The following LUC7L variants were observed in gnomAD, a reference collection of about 807,000 sequenced individuals.
LUC7L encodes putative RNA-binding protein Luc7-like 1.
In LUC7L, 29 loss-of-function variants were observed where a neutral mutation model predicts 51.1. The ratio of observed to expected loss-of-function variants is 0.57; its 90% CI spans 0.42 to 0.77. The LOEUF is 0.77. Among genes scored for constraint, LUC7L ranks in the 30% least tolerant of loss-of-function variants. The pLI is 0.00. For missense variants in LUC7L, 403 were observed against 511.9 expected, an observed-to-expected ratio of 0.79 and a Z score of 2.05; for synonymous variants, 181 against 180.7, an observed-to-expected ratio of 1.00 and a Z score of -0.01.
chr16:217,940 G>A (rs1159130319), intron 3 of LUC7L, among the ~76,000 whole-genome samples: 1 of 150,922 alleles, frequency 6.6e-6, no homozygotes, highest in African/African-American at 2.4e-5. Flanking sequence ...TTGGGAGGCT[G>A]AGGCATGAGA....
At chr16:205,621 G>C (rs562008910) in intron 5 of LUC7L, among the ~76,000 whole-genome samples, 11 of 151,976 alleles carry the variant, frequency 7.2e-5, no homozygotes, top group Non-Finnish European at 1.6e-4. Context: ...ACAGAGTCTC[G>C]CTCTGTCGCC....
chr16:190,827 C>G, intron 7 of LUC7L: 1 of 475,008 alleles, frequency 2.1e-6, no homozygotes, highest in Non-Finnish European at 3.7e-6. Flanking sequence ...TTGCAGTGAG[C>G]TGAGATTGTG....
At chr16:227,213 T>C in intron 2 of LUC7L, 29 bp downstream of exon 2, 2 of 1,580,264 alleles carry the variant, frequency 1.3e-6, no homozygotes, top group Non-Finnish European at 1.7e-6. Flanking sequence ...TGTCAGAGTG[T>C]TCCATGAGGT....
chr16:221,910 G>A (rs1330344979), intron 2 of LUC7L, among the ~76,000 whole-genome samples: 1 of 152,098 alleles, frequency 6.6e-6, no homozygotes, highest in Non-Finnish European at 1.5e-5. Flanking sequence ...TGTATCAAAG[G>A]GAATAAAGGA....
At chr16:218,358 C>T (rs1375122807) in intron 3 of LUC7L, among the ~76,000 whole-genome samples, 1 of 152,182 alleles carries the variant, frequency 6.6e-6, no homozygotes, top group Admixed American at 6.5e-5. Flanking sequence ...AACCCCTCTA[C>T]TAACCTCTGG....
intron 3 of LUC7L, among the ~76,000 whole-genome samples, chr16:217,460 ACT>A: frequency 6.6e-6 from 1 of 152,038 alleles, no homozygotes; most frequent in South Asian, 2.1e-4. Flanking sequence ...TAATCTCAAC[ACT>A]CTGGGAGGCT....
chr16:192,381 T>TA (rs1224491391), intron 7 of LUC7L, among the ~76,000 whole-genome samples: 1 of 151,994 alleles, frequency 6.6e-6, no homozygotes, highest in Non-Finnish European at 1.5e-5. Flanking sequence ...ACTCAGTAAG[T>TA]AAACAGCAGT....
In LUC7L at chr16:192,972, A is replaced by G; in HGVS notation, c.731T>C (p.Leu244Ser). The change falls in exon 7 of 10, where the codon TTG (leucine) becomes TCG (serine). Residue 244 changes from leucine to serine, a missense_variant. Coordinates refer to ENST00000293872, the MANE Select transcript of LUC7L (RefSeq NM_201412.3). ...EKQEKRNQDRLRRREEREREE... is the reference protein window; with the variant it reads ...EKQEKRNQDRSRRREEREREE... ...CCGTTCCCTCTCCTCTCTCCTCCTC[A>G]AGCGATCCTGATTTCTCTTCTCCTG... 1 of 1,613,484 alleles carries G rather than the reference A, an allele frequency of 6.2e-7. No individual in the cohort carries two copies. The highest frequency in any genetic ancestry group is 1.1e-5 in the South Asian group (1 of 91,078).
intron 4 of LUC7L, among the ~76,000 whole-genome samples, chr16:207,155 C>T (rs562127729): frequency 1.8e-4 from 27 of 151,454 alleles, no homozygotes; most frequent in South Asian, 8.3e-4. Flanking sequence ...GTCGAGATCA[C>T]GCCACTGCCC....
intron 9 of LUC7L, chr16:189,750 G>A: frequency 3.6e-6 from 5 of 1,390,550 alleles, no homozygotes; most frequent in Non-Finnish European, 4.7e-6. Context: ...GACGCAGGCA[G>A]GGGACAGTGC....
At chr16:215,265 A>G (rs949224637) in intron 3 of LUC7L, among the ~76,000 whole-genome samples, 1 of 152,168 alleles carries the variant, frequency 6.6e-6, no homozygotes, top group African/African-American at 2.4e-5. Context: ...AGGCGGGCAG[A>G]TCACAAGGTC....
At position 220,732 on chromosome 16, in the gene LUC7L, C is replaced by G; in HGVS notation, c.172G>C (p.Glu58Gln). Residue 58 changes from glutamate to glutamine, a missense_variant, in exon 3 of 10, where the codon GAA becomes CAA. By Grantham distance (29) the Glu-to-Gln change is conservative. Coordinates refer to ENST00000293872, the MANE Select transcript of LUC7L (RefSeq NM_201412.3). ...GCCAAGTCGTGGATTTTGGTACATT[C>G]TCCTAAATCCATGCGCTGTGGGAAA... ...ILAGTRMDLG[E>Q]CTKIHDLALR... 6.2e-7 allele frequency: 1 copy of G among 1,613,512 alleles called. No homozygotes were observed. Among genetic ancestry groups the G allele is most frequent in the Non-Finnish European group, 8.5e-7 (1 of 1,179,492 alleles).
chr16:215,168 T>C (rs966209638), intron 3 of LUC7L, among the ~76,000 whole-genome samples: 1 of 152,040 alleles, frequency 6.6e-6, no homozygotes, highest in African/African-American at 2.4e-5. Context: ...TTCCCAACAG[T>C]GGAATTCTGG....
intron 4 of LUC7L, among the ~76,000 whole-genome samples, chr16:207,198 CTT>C (rs2049507200): frequency 6.7e-6 from 1 of 149,276 alleles, no homozygotes; most frequent in Admixed American, 6.7e-5. Flanking sequence ...GACTCTGTCT[CTT>C]AAAAAAAAAA....
intron 3 of LUC7L, among the ~76,000 whole-genome samples, chr16:216,458 T>C (rs1303077231): frequency 7.2e-6 from 1 of 138,318 alleles, no homozygotes; most frequent in Non-Finnish European, 1.6e-5. Flanking sequence ...TGTCGGCTCA[T>C]TGAAACCTCC....
chr16:194,400 C>T (rs533535525), intron 6 of LUC7L, among the ~76,000 whole-genome samples: 7 of 152,300 alleles, frequency 4.6e-5, no homozygotes, highest in African/African-American at 1.4e-4. Context: ...AACCACCCAG[C>T]CTATCATTAG....
chr16:219,131 C>G (rs563280482), intron 3 of LUC7L, among the ~76,000 whole-genome samples: 1 of 152,046 alleles, frequency 6.6e-6, no homozygotes, highest in African/African-American at 2.4e-5. Flanking sequence ...TGGCTCACAG[C>G]TGTAATCCCA....
intron 3 of LUC7L, among the ~76,000 whole-genome samples, chr16:218,697 G>C (rs774656354): frequency 1.3e-5 from 2 of 151,806 alleles, no homozygotes; most frequent in African/African-American, 2.4e-5. Context: ...TTCCAGCTTG[G>C]GCAACAGAGG....
chr16:229,325 C>T lies in LUC7L; in HGVS notation c.15G>A (p.Ala5=). The part of the protein sequence containing the change: MSAQ[A]QMRALLDQLM... ...GCTGGTCCAGCAGGGCCCGCATCTG[C>T]GCCTGGGCGGACATGGTAGCCGGCG... is the stretch of plus-strand genomic sequence containing the variant. Residue 5 remains alanine (A), a synonymous_variant, in exon 1 of 10, where the codon GCG becomes GCA. Coordinates refer to ENST00000293872, the MANE Select transcript of LUC7L (RefSeq NM_201412.3). The T allele has an allele frequency of 6.6e-7, 1 of 1,522,004 alleles. No homozygotes were observed. The highest frequency in any genetic ancestry group is 8.8e-7 in the Non-Finnish European group (1 of 1,141,096). 94.3% of individuals were successfully genotyped at this position (1,522,004 alleles called of 1,614,324 possible). A position where few individuals can be genotyped will look rare whatever the true frequency, so the allele number is the denominator to read the frequency against.
Sources: allele counts gnomAD v4.1 joint callset (sites outside exome capture counted in the v4.1 genomes callset), GRCh38; gene constraint gnomAD v4.1.1; transcripts MANE v1.5; gene names NCBI Gene and HGNC (gene_info 2026-07-23, HGNC 2026-07-21).